The following TENM1 variants were observed in gnomAD, a reference collection of about 807,000 sequenced individuals.
TENM1 encodes the protein teneurin-1.
Under a neutral mutation model 174.8 loss-of-function variants are expected in TENM1, and 35 were observed. That is an observed-to-expected ratio of 0.20 (90% CI 0.15 to 0.27). TENM1 has a LOEUF of 0.27. Among genes scored for constraint, TENM1 ranks in the 10% least tolerant of loss-of-function variants. The pLI is 1.00. For missense variants in TENM1, 1,633 were observed against 2,130.1 expected, an observed-to-expected ratio of 0.77 and a Z score of 4.59; for synonymous variants, 781 against 798.7, an observed-to-expected ratio of 0.98 and a Z score of 0.37.
chrX:124,455,559 G>A (rs1207859416), intron 22 of TENM1, among the ~76,000 whole-genome samples: 1 of 111,314 alleles, frequency 9.0e-6, no homozygotes, highest in Non-Finnish European at 1.9e-5. Flanking sequence ...GGGATAGACT[G>A]AAAGATCAAG....
chrX:124,417,777 A>C (rs2060610588), intron 25 of TENM1, among the ~76,000 whole-genome samples: 1 of 111,559 alleles, frequency 9.0e-6, no homozygotes, highest in Admixed American at 9.5e-5. Context: ...CCCACCTCAC[A>C]ACCTTCCAGT....
intron 4 of TENM1, among the ~76,000 whole-genome samples, chrX:124,726,192 C>T (rs2053439748): frequency 8.9e-6 from 1 of 112,595 alleles, no homozygotes; most frequent in Non-Finnish European, 1.9e-5. Context: ...CAGATTTCAT[C>T]TCACCTATGG....
At chrX:124,398,933 C>T (rs1277979560) in intron 27 of TENM1, among the ~76,000 whole-genome samples, 2 of 112,518 alleles carry the variant, frequency 1.8e-5, no homozygotes, top group African/African-American at 6.5e-5. Flanking sequence ...TCATAATAAC[C>T]TTTGACACAA....
the TENM1 span, among the ~76,000 whole-genome samples, chrX:125,138,683 G>A: frequency 1.8e-5 from 2 of 110,946 alleles, no homozygotes; most frequent in Non-Finnish European, 3.8e-5. Flanking sequence ...CTGGAAGCAG[G>A]CATGAGAGGA....
At chrX:124,527,689 C>T (rs1487886723) in intron 16 of TENM1, among the ~76,000 whole-genome samples, 1 of 100,065 alleles carries the variant, frequency 1.0e-5, no homozygotes, top group East Asian at 3.1e-4. Context: ...CGCTTTGTTG[C>T]CCAGGCTGGA....
intron 14 of TENM1, among the ~76,000 whole-genome samples, chrX:124,555,505 T>C (rs1310506982): frequency 3.6e-5 from 4 of 112,063 alleles, no homozygotes; most frequent in African/African-American, 6.5e-5. Context: ...AATAAAGTCA[T>C]ACTAACTTGT....
intron 6 of TENM1, among the ~76,000 whole-genome samples, chrX:124,661,757 A>G (rs2051607585): frequency 9.0e-6 from 1 of 111,693 alleles, no homozygotes. Context: ...TGAACTACCC[A>G]TGACATAGTT....
chrX:124,674,303 C>CAAAAAAAAA (rs745969451), intron 5 of TENM1, among the ~76,000 whole-genome samples: 2 of 16,624 alleles, frequency 1.2e-4, no homozygotes, highest in Non-Finnish European at 2.3e-4. Context: ...TATCAAAAGG[C>CAAAAAAAAA]AAAAAAAAAA....
rs2051318657 is a variant in TENM1, at chrX:124,651,909, C to T, written c.1579+5G>A. Reference sequence around the variant, plus strand: ...CAATTCAACATATTAGGCAAAGCAGCTTACCAATTGCTGTAGTTAACACGA... The same window carrying T: ...CAATTCAACATATTAGGCAAAGCAGTTTACCAATTGCTGTAGTTAACACGA... On this transcript the variant is annotated splice_donor_5th_base_variant and intron_variant, in intron 8 of 31. Coordinates refer to ENST00000422452, the Ensembl canonical transcript of TENM1. The T allele has an allele frequency of 5.0e-6, 6 of 1,206,582 alleles. No individual in the cohort carries two copies. The highest frequency in any genetic ancestry group is 1.7e-5 in the African/African-American group (1 of 57,683).
At chrX:124,464,504 C>G (rs1162280796) in intron 22 of TENM1, among the ~76,000 whole-genome samples, 1 of 111,974 alleles carries the variant, frequency 8.9e-6, no homozygotes, top group Non-Finnish European at 1.9e-5. Flanking sequence ...TCCCTGCATC[C>G]GTATGTCTTG....
chrX:124,471,378 ATATATAG>A (rs1167348949), intron 22 of TENM1, among the ~76,000 whole-genome samples: 5 of 29,411 alleles, frequency 1.7e-4, no homozygotes, highest in Non-Finnish European at 2.1e-4. Flanking sequence ...ATATATTATA[ATATATAG>A]TACTATATAT....
At chrX:124,915,474 G>A (rs1308501636) in intron 1 of TENM1, among the ~76,000 whole-genome samples, 3 of 112,121 alleles carry the variant, frequency 2.7e-5, no homozygotes, top group African/African-American at 3.2e-5. Flanking sequence ...GTAGTGAGCC[G>A]ATATCGCACC....
chrX:124,885,571 T>C (rs2057369921), intron 3 of TENM1, among the ~76,000 whole-genome samples: 1 of 110,697 alleles, frequency 9.0e-6, no homozygotes, highest in Admixed American at 9.7e-5. Context: ...AAATATCAGG[T>C]TGTATGGATC....
chrX:124,815,740 C>T (rs940251681), intron 3 of TENM1, among the ~76,000 whole-genome samples: 32 of 110,634 alleles, frequency 2.9e-4, no homozygotes, highest in African/African-American at 1.0e-3. Flanking sequence ...GAAAATAAAG[C>T]TGATTTAAAA....
intron 14 of TENM1, among the ~76,000 whole-genome samples, chrX:124,551,528 CCACACACA>C (rs200848099): frequency 9.8e-6 from 1 of 101,774 alleles, no homozygotes; most frequent in Non-Finnish European, 2.0e-5. Context: ...ACACACACAC[CCACACACA>C]CACACACACA....
chrX:124,679,344 C>T (rs1225988988), intron 5 of TENM1, among the ~76,000 whole-genome samples: 1 of 111,882 alleles, frequency 8.9e-6, no homozygotes, highest in Non-Finnish European at 1.9e-5. Context: ...GTCAAAACTA[C>T]AGATCTGCTT....
At chrX:124,719,247 G>C (rs904924023) in intron 4 of TENM1, among the ~76,000 whole-genome samples, 1 of 110,102 alleles carries the variant, frequency 9.1e-6, no homozygotes, top group African/African-American at 3.3e-5. Context: ...ATTTGCACTT[G>C]GGATTGGTCT....
intron 14 of TENM1, among the ~76,000 whole-genome samples, chrX:124,551,290 T>C (rs2048561162): frequency 9.0e-6 from 1 of 111,448 alleles, no homozygotes; most frequent in South Asian, 3.8e-4. Context: ...TACTCCATGA[T>C]TGCTCTTATA....
chrX:124,476,901 T>C lies in TENM1; in HGVS notation c.3949+4831A>G, dbSNP rs763641391. Among the ~76,000 whole-genome samples, 7 of 112,666 alleles carry C rather than the reference T, an allele frequency of 6.2e-5. No homozygotes were observed. In the East Asian group the frequency reaches 1.7e-3, roughly 27 times the overall value. ...CAAACTCATATACAATGCCAGGGATTAGTACTCCATCAACCTCTTTTCGAA... is the reference window on the plus strand; with the variant it reads ...CAAACTCATATACAATGCCAGGGATCAGTACTCCATCAACCTCTTTTCGAA... On this transcript the variant is annotated intron_variant, in intron 22 of 31. Transcript: ENST00000422452.
Sources: gnomAD v4.1 joint callset for allele counts (sites outside exome capture counted in the v4.1 genomes callset) on GRCh38, gnomAD v4.1.1 for gene constraint, MANE v1.5 for transcripts, NCBI Gene and HGNC (gene_info 2026-07-23, HGNC 2026-07-21) for gene names.